Variants in ARHGAP31 observed in about 807,000 individuals in gnomAD.
ARHGAP31 encodes rho GTPase-activating protein 31.
ARHGAP31 carries 34 observed loss-of-function variants against 113.9 expected under a neutral mutation model. That is an observed-to-expected ratio of 0.30 (90% CI 0.23 to 0.40). ARHGAP31 has a LOEUF of 0.40. Ranked by LOEUF, ARHGAP31 falls within the 10% of genes least tolerant of loss-of-function variation. The probability of loss-of-function intolerance (pLI) is 1.00; values close to 1 mark genes in which losing one functional copy is unlikely to be tolerated. For synonymous variants in ARHGAP31, 650 were observed against 684.8 expected (o/e 0.95, Z 0.79); for missense variants, 1,548 against 1,767.1 (o/e 0.88, Z 2.22).
At chr3:119,327,705 T>A (rs2079858175) in intron 1 of ARHGAP31, among the ~76,000 whole-genome samples, 1 of 152,230 alleles carries the variant, frequency 6.6e-6, no homozygotes, top group Non-Finnish European at 1.5e-5. Context: ...TTATCTTATT[T>A]ACTCTCTGTC....
In ARHGAP31 at chr3:119,321,794, C is replaced by G. The variant is rs117577898; in HGVS notation, c.100+26790C>G. Among the ~76,000 whole-genome samples, 845 of 152,192 alleles carry G rather than the reference C, an allele frequency of 5.6e-3. 14 individuals carry two copies. In the East Asian group the frequency reaches 0.061, roughly 11 times the overall value. On this transcript the variant is annotated intron_variant, in intron 1 of 11. Coordinates refer to ENST00000264245, the MANE Select transcript of ARHGAP31 (RefSeq NM_020754.4). Reference sequence around the variant, plus strand: ...CTCCCAAGTAGCTGGAACTATAGGCCCACACCACCACGCCCAGCTAACTTG... The same window carrying G: ...CTCCCAAGTAGCTGGAACTATAGGCGCACACCACCACGCCCAGCTAACTTG...
chr3:119,325,482 C>G (rs73854486), intron 1 of ARHGAP31, among the ~76,000 whole-genome samples: 1 of 152,162 alleles, frequency 6.6e-6, no homozygotes, highest in African/African-American at 2.4e-5. Context: ...ACTGCTGGGT[C>G]GGGAGTCTGC....
intron 6 of ARHGAP31, among the ~76,000 whole-genome samples, chr3:119,385,535 A>T (rs1559988094): frequency 6.6e-6 from 1 of 152,202 alleles, no homozygotes; most frequent in Non-Finnish European, 1.5e-5. Flanking sequence ...ACTATATAAA[A>T]ACCTTTTTGA....
intron 7 of ARHGAP31, among the ~76,000 whole-genome samples, chr3:119,392,264 A>G (rs952124845): frequency 4.6e-5 from 7 of 152,186 alleles, no homozygotes; most frequent in African/African-American, 1.4e-4. Context: ...CCTGGGCAAC[A>G]TGGTGAAACC....
intron 1 of ARHGAP31, chr3:119,322,806 C>G (rs898610787): frequency 2.6e-5 from 4 of 152,834 alleles, no homozygotes; most frequent in African/African-American, 2.4e-5. Context: ...TGCGGGGCAC[C>G]AGGTCAGACC....
rs772243157 is a variant in ARHGAP31, at chr3:119,414,061, TCTCCAC to T, written c.2134_2139del (p.Ser712_Thr713del). ...CCTTGTGGCTCCTTCCCTGCTCCAG[TCTCCAC>T]CCCTCTGGAGGTGTGGACTAGGGAT... On this transcript the variant is annotated inframe_deletion, in exon 12 of 12. Transcript: ENST00000264245. 5.0e-6 allele frequency: 8 copies of T among 1,613,962 alleles called. No homozygotes were observed. The African/African-American group carries it at 1.1e-4, about 22-fold the overall frequency.
At chr3:119,372,855 A>G (rs2080313782) in intron 3 of ARHGAP31, among the ~76,000 whole-genome samples, 1 of 152,196 alleles carries the variant, frequency 6.6e-6, no homozygotes, top group East Asian at 1.9e-4. Context: ...GGTGGAGGTA[A>G]AGATGTAGTT....
chr3:119,343,578 C>T (rs1288206557), intron 1 of ARHGAP31, among the ~76,000 whole-genome samples: 1 of 152,172 alleles, frequency 6.6e-6, no homozygotes, highest in Non-Finnish European at 1.5e-5. Context: ...AGGTACATCC[C>T]CCTGCCCCAG....
chr3:119,320,793 A>G (rs1576992350), intron 1 of ARHGAP31, among the ~76,000 whole-genome samples: 1 of 152,122 alleles, frequency 6.6e-6, no homozygotes, highest in Non-Finnish European at 1.5e-5. Context: ...GGACATTGAT[A>G]TGGTTTGGCT....
chr3:119,328,778 C>T (rs145732825), intron 1 of ARHGAP31, among the ~76,000 whole-genome samples: 5 of 152,054 alleles, frequency 3.3e-5, no homozygotes, highest in Non-Finnish European at 7.4e-5. Context: ...GTAGCTGGGA[C>T]TACAGGCACG....
At chr3:119,368,044 A>G (rs757107944) in intron 2 of ARHGAP31, among the ~76,000 whole-genome samples, 1 of 152,176 alleles carries the variant, frequency 6.6e-6, no homozygotes, top group Non-Finnish European at 1.5e-5. Context: ...GGAAAAACTG[A>G]AATCTCAATA....
chr3:119,415,818 C>T lies in ARHGAP31; in HGVS notation c.3889C>T (p.Leu1297=). The T allele has an allele frequency of 6.2e-7, 1 of 1,614,248 alleles. No homozygotes were observed. Among genetic ancestry groups the T allele is most frequent in the Non-Finnish European group, 8.5e-7 (1 of 1,180,052 alleles). The change falls in exon 12 of 12, where the codon CTG becomes TTG. Residue 1297 remains leucine (L), a synonymous_variant. Transcript: ENST00000264245. ...TTCTCCAGAACCAGGCTCGTCTAACCTGCTCTCCACCCAGGATGCAGTAGT... is the reference window on the plus strand; with the variant it reads ...TTCTCCAGAACCAGGCTCGTCTAACTTGCTCTCCACCCAGGATGCAGTAGT... ...TLSPEPGSSN[L]LSTQDAVVQC... is the part of the protein sequence containing the mutation.
chr3:119,301,942 T>TC (rs1200248266), intron 1 of ARHGAP31, among the ~76,000 whole-genome samples: 1 of 152,214 alleles, frequency 6.6e-6, no homozygotes, highest in African/African-American at 2.4e-5. Context: ...ATCTCAGGAC[T>TC]CCACTTCCTT....
intron 1 of ARHGAP31, among the ~76,000 whole-genome samples, chr3:119,352,575 A>G (rs2080119260): frequency 6.6e-6 from 1 of 151,982 alleles, no homozygotes; most frequent in Non-Finnish European, 1.5e-5. Flanking sequence ...TTTTGTGGCA[A>G]GTCTTTTCTT....
At chr3:119,348,959 A>C (rs1245217518) in intron 1 of ARHGAP31, among the ~76,000 whole-genome samples, 3 of 152,212 alleles carry the variant, frequency 2.0e-5, no homozygotes, top group Non-Finnish European at 4.4e-5. Flanking sequence ...CTCTGAAATG[A>C]ATGCTGGTTC....
intron 1 of ARHGAP31, among the ~76,000 whole-genome samples, chr3:119,311,082 C>T (rs564598213): frequency 3.3e-5 from 5 of 152,268 alleles, no homozygotes; most frequent in African/African-American, 9.6e-5. Context: ...CACGCCTGTC[C>T]GTTTTAATGC....
At chr3:119,336,654 GAT>G (rs2079951617) in intron 1 of ARHGAP31, among the ~76,000 whole-genome samples, 2 of 151,920 alleles carry the variant, frequency 1.3e-5, no homozygotes, top group African/African-American at 4.8e-5. Flanking sequence ...ATTTTATTGA[GAT>G]ATAATTAACA....
intron 1 of ARHGAP31, among the ~76,000 whole-genome samples, chr3:119,359,881 G>A (rs111417798): frequency 0.017 from 2,616 of 151,638 alleles, 46 homozygotes; most frequent in East Asian, 0.06. Context: ...CCTCTCTCCC[G>A]TGTGCATCGC....
At chr3:119,393,693 A>G in intron 8 of ARHGAP31, 102 bp downstream of exon 8, 1 of 1,470,540 alleles carries the variant, frequency 6.8e-7, no homozygotes, top group Admixed American at 1.8e-5. Flanking sequence ...GCTCTGAAAG[A>G]GAAACTTATA....
Sources: allele counts gnomAD v4.1 joint callset (sites outside exome capture counted in the v4.1 genomes callset), GRCh38; gene constraint gnomAD v4.1.1; transcripts MANE v1.5; gene names NCBI Gene and HGNC (gene_info 2026-07-23, HGNC 2026-07-21).